The following SEC61A2 variants were observed in gnomAD, a reference collection of about 807,000 sequenced individuals.
SEC61A2 encodes the protein protein transport protein Sec61 subunit alpha isoform 2.
In SEC61A2, 28 loss-of-function variants were observed where a neutral mutation model predicts 59.9. The observed-to-expected ratio is 0.47, with a 90% CI of 0.35 to 0.64. The LOEUF is 0.64. SEC61A2 is among the 30% of genes least tolerant of loss of function. SEC61A2 has a pLI of 0.01. For missense variants in SEC61A2, 340 were observed against 585.9 expected (o/e 0.58, Z 4.33); for synonymous variants, 202 against 214.4 (o/e 0.94, Z 0.50).
At chr10:12,133,142 T>C (rs1833801257) in intron 1 of SEC61A2, 99 bp from the exon 2 acceptor site, 2 of 618,158 alleles carry the variant, frequency 3.2e-6, no homozygotes, top group African/African-American at 3.7e-5. Flanking sequence ...GTGGGGTGAA[T>C]TGCTGGTGAA....
Position 12,161,190 on chromosome 10 carries a change from C to T in SEC61A2, c.1167+69C>T. 1 of 1,345,074 alleles carries T rather than the reference C, an allele frequency of 7.4e-7. No homozygotes were observed. The highest frequency in any genetic ancestry group is 1.0e-6 in the Non-Finnish European group (1 of 977,582). The allele number at this position is 1,345,074 out of a possible 1,614,324, so 83.3% of individuals were successfully genotyped here. Reference sequence around the variant, plus strand: ...TGGTGGCGCACATCTGTAATCGTAGCACTTTGGCAGGCTGAGGCCGCTGGA... The same window carrying T: ...TGGTGGCGCACATCTGTAATCGTAGTACTTTGGCAGGCTGAGGCCGCTGGA... On this transcript the variant is annotated intron_variant, in intron 10 of 11. Transcript: ENST00000298428. The surrounding 1 kb of genome is among the most constrained non-coding windows in gnomAD (Gnocchi z 5.4).
At position 12,143,671 on chromosome 10, in the gene SEC61A2, T is replaced by G. The variant is rs1241861011; in HGVS notation, c.220+476T>G. ...TCGCTTGAACCTGGGAGATGGAGGT[T>G]GCAGTGAACTAAGATCGCACCACTG... is the stretch of plus-strand genomic sequence containing the variant. On this transcript the variant is annotated intron_variant, in intron 4 of 11. Transcript: ENST00000298428. The surrounding 1 kb of genome is among the most constrained non-coding windows in gnomAD (Gnocchi z 4.8). Among the ~76,000 whole-genome samples, 1 of 152,066 alleles carries G rather than the reference T, an allele frequency of 6.6e-6. No homozygotes were observed. The highest frequency in any genetic ancestry group is 6.6e-5 in the Admixed American group (1 of 15,262).
intron 9 of SEC61A2, among the ~76,000 whole-genome samples, chr10:12,159,782 T>G (rs574342047): frequency 1.1e-4 from 17 of 152,242 alleles, no homozygotes; most frequent in Admixed American, 1.1e-3. Context: ...ATAGTATTTT[T>G]CTGTACAGTT....
chr10:12,134,475 C>T (rs1050894605), intron 2 of SEC61A2, among the ~76,000 whole-genome samples: 1 of 152,214 alleles, frequency 6.6e-6, no homozygotes, highest in African/African-American at 2.4e-5. Flanking sequence ...CATTGGATCC[C>T]TGTTTTGCTT....
chr10:12,138,826 C>T (rs893299885), intron 3 of SEC61A2, among the ~76,000 whole-genome samples: 7 of 152,228 alleles, frequency 4.6e-5, no homozygotes, highest in Non-Finnish European at 8.8e-5. Context: ...TATGAACATT[C>T]ATGTATAAGT....
Position 12,162,931 on chromosome 10 carries a change from TCA to T in SEC61A2, c.1244+645_1244+646del, listed in dbSNP as rs1834564228. The stretch of plus-strand genomic sequence containing the variant: ...GCTTCTTTCACTTGGCATCATGTTT[TCA>T]CAGTTCATATCCTTAATTCTTTTCA... On this transcript the variant is annotated intron_variant, in intron 11 of 11. Coordinates refer to ENST00000298428, the MANE Select transcript of SEC61A2 (RefSeq NM_018144.4). This position sits in a 1 kb window ranked among gnomAD's most constrained non-coding sequence, Gnocchi z 6.1. Among the ~76,000 whole-genome samples the T allele has an allele frequency of 6.6e-6, 1 of 152,250 alleles. No individual in the cohort carries two copies. The highest frequency in any genetic ancestry group is 1.5e-5 in the Non-Finnish European group (1 of 68,042).
At position 12,135,149 on chromosome 10, in the gene SEC61A2, G is replaced by C. The variant is rs377025288; in HGVS notation, c.76-956G>C. 1.1e-4 allele frequency among the ~76,000 whole-genome samples: 16 copies of C among 151,626 alleles called. No individual in the cohort carries two copies. The South Asian group carries it at 1.9e-3, about 18-fold the overall frequency. ...GGGGGAACATCACACAGGGGCCTGT[G>C]GGGGTAGGGGGAAAGGGGAGGGAGA... On this transcript the variant is annotated intron_variant, in intron 2 of 11. Coordinates refer to ENST00000298428, the MANE Select transcript of SEC61A2 (RefSeq NM_018144.4).
At position 12,155,665 on chromosome 10, in the gene SEC61A2, G is replaced by T; in HGVS notation, c.463-113G>T. The T allele has an allele frequency of 1.6e-6, 2 of 1,231,122 alleles. No homozygotes were observed. The highest frequency in any genetic ancestry group is 1.4e-5 in the South Asian group (1 of 73,718). The allele number at this position is 1,231,122 out of a possible 1,614,324, so 76.3% of individuals were successfully genotyped here. On this transcript the variant is annotated intron_variant, in intron 6 of 11. Coordinates refer to ENST00000298428, the MANE Select transcript of SEC61A2 (RefSeq NM_018144.4). The surrounding 1 kb of genome is among the most constrained non-coding windows in gnomAD (Gnocchi z 4.3). Reference sequence around the variant, plus strand: ...TTGGTCATCACAGTGAGATTGCAACGATCAGGCCTTAATATTCAAAACGCC... The same window carrying T: ...TTGGTCATCACAGTGAGATTGCAACTATCAGGCCTTAATATTCAAAACGCC...
At position 12,162,765 on chromosome 10, in the gene SEC61A2, CAGAA is replaced by C. The variant is rs891593365; in HGVS notation, c.1244+482_1244+485del. 4.6e-5 allele frequency among the ~76,000 whole-genome samples: 7 copies of C among 152,278 alleles called. No homozygotes were observed. The highest frequency in any genetic ancestry group is 1.7e-4 in the African/African-American group (7 of 41,554). ...TAAGTTTAAACACATTTTCACCACC[CAGAA>C]AGAAACCCTGTACCTACTAGCCCAC... On this transcript the variant is annotated intron_variant, in intron 11 of 11. Coordinates refer to ENST00000298428, the MANE Select transcript of SEC61A2 (RefSeq NM_018144.4). The surrounding 1 kb of genome is among the most constrained non-coding windows in gnomAD (Gnocchi z 6.1).
chr10:12,163,397 T>G (rs1347750907), intron 11 of SEC61A2, among the ~76,000 whole-genome samples: 1 of 145,936 alleles, frequency 6.9e-6, no homozygotes, highest in African/African-American at 2.5e-5. Flanking sequence ...CCGTCTTGGC[T>G]CACTGCAACC....
chr10:12,168,641 C>T (rs534837819), downstream of SEC61A2, among the ~76,000 whole-genome samples: 7 of 152,254 alleles, frequency 4.6e-5, no homozygotes, highest in African/African-American at 1.7e-4. The surrounding 1 kb of genome is among the most constrained non-coding windows in gnomAD (Gnocchi z 4.8). Flanking sequence ...TTTTCCTAGC[C>T]GCTTGTTTGG....
intron 2 of SEC61A2, among the ~76,000 whole-genome samples, chr10:12,134,497 C>G (rs1421083270): frequency 6.6e-6 from 1 of 152,154 alleles, no homozygotes. Context: ...GGCTCCTTTT[C>G]AGTTTCATTT....
rs779099863 is a variant in SEC61A2 at position 12,129,765 on chromosome 10, C to T, written c.-23C>T. ...GGCAGCGCCGAGGCCGCGGTTTCCCCCTGGGCCTCCCCAGCAGCAGCCATG... is the reference window on the plus strand; with the variant it reads ...GGCAGCGCCGAGGCCGCGGTTTCCCTCTGGGCCTCCCCAGCAGCAGCCATG... On this transcript the variant is annotated 5_prime_UTR_variant, in exon 1 of 12. Transcript: ENST00000298428. This position sits in a 1 kb window ranked among gnomAD's most constrained non-coding sequence, Gnocchi z 5.6. The T allele has an allele frequency of 4.0e-6, 6 of 1,488,026 alleles. No individual in the cohort carries two copies. The highest frequency in any genetic ancestry group is 1.4e-5 in the African/African-American group (1 of 69,282). The allele number at this position is 1,488,026 out of a possible 1,614,324, so 92.2% of individuals were successfully genotyped here.
At chr10:12,163,754 A>G (rs1045063695) in intron 11 of SEC61A2, among the ~76,000 whole-genome samples, 3 of 152,142 alleles carry the variant, frequency 2.0e-5, no homozygotes, top group Non-Finnish European at 4.4e-5. Context: ...ATGGATCTCC[A>G]GCTCCAGTTG....
rs142862130 is a variant in SEC61A2 at position 12,152,106 on chromosome 10, C to T, written c.462+2145C>T. Among the ~76,000 whole-genome samples the T allele has an allele frequency of 1.4e-4, 21 of 146,506 alleles. No homozygotes were observed. Among genetic ancestry groups the T allele is most frequent in the Admixed American group, 8.8e-4 (13 of 14,734 alleles). Reference sequence around the variant, plus strand: ...AGGGCAGGAATTTTTTTTTTCGAGACGGAGTCCTGCTCTGTCTCCCAGACT... The same window carrying T: ...AGGGCAGGAATTTTTTTTTTCGAGATGGAGTCCTGCTCTGTCTCCCAGACT... On this transcript the variant is annotated intron_variant, in intron 6 of 11. Coordinates refer to ENST00000298428, the MANE Select transcript of SEC61A2 (RefSeq NM_018144.4). This position sits in a 1 kb window ranked among gnomAD's most constrained non-coding sequence, Gnocchi z 5.5.
rs2131681261 is a variant in SEC61A2, at chr10:12,160,995, T to G, written c.1041T>G (p.Pro347=). The change falls in exon 10 of 12, where the codon CCT becomes CCG. Residue 347 remains proline, a synonymous_variant. Transcript: ENST00000298428. The surrounding 1 kb of genome is among the most constrained non-coding windows in gnomAD (Gnocchi z 4.1). ...GAGGCCTTTGTTACTATCTTTCTCC[T>G]CCTGAGTCCATGGGCGCCATCTTTG... The part of the protein sequence containing the change: ...PVGGLCYYLS[P]PESMGAIFED... The G allele has an allele frequency of 6.2e-7, 1 of 1,614,192 alleles. No individual in the cohort carries two copies. The highest frequency in any genetic ancestry group is 2.2e-5 in the East Asian group (1 of 44,890).
Position 12,149,170 on chromosome 10 carries a change from A to G in SEC61A2, c.221-425A>G, listed in dbSNP as rs1290222467. The stretch of plus-strand genomic sequence containing the variant: ...AGTGGCGCAATCTCGGCTTACTGCA[A>G]CCTCTGCCTTCCAGGTTTAAGCGAT... On this transcript the variant is annotated intron_variant, in intron 4 of 11. Coordinates refer to ENST00000298428, the MANE Select transcript of SEC61A2 (RefSeq NM_018144.4). The surrounding 1 kb of genome is among the most constrained non-coding windows in gnomAD (Gnocchi z 5.2). Among the ~76,000 whole-genome samples, 1 of 151,762 alleles carries G rather than the reference A, an allele frequency of 6.6e-6. No homozygotes were observed.
rs1475656956 is a variant in SEC61A2, at chr10:12,156,871, A to G, written c.617-36A>G. The G allele has an allele frequency of 6.9e-6, 11 of 1,603,624 alleles. No homozygotes were observed. Among genetic ancestry groups the G allele is most frequent in the Admixed American group, 1.8e-5 (1 of 56,418 alleles). ...TTGAGCTTTGGGACAGCTTTGGACG[A>G]TGAGTCCACAGGTCGTGTCTGTCTT... is the stretch of plus-strand genomic sequence containing the variant. On this transcript the variant is annotated intron_variant, in intron 7 of 11. Transcript: ENST00000298428. This position sits in a 1 kb window ranked among gnomAD's most constrained non-coding sequence, Gnocchi z 5.2.
At position 12,146,781 on chromosome 10, in the gene SEC61A2, G is replaced by C. The variant is rs1834149537; in HGVS notation, c.221-2814G>C. On this transcript the variant is annotated intron_variant, in intron 4 of 11. Coordinates refer to ENST00000298428, the MANE Select transcript of SEC61A2 (RefSeq NM_018144.4). ...GATCCGCCCGCCTCAGCCTCCCAAA[G>C]TGCTGGGATTACAGGTGTGAGCCAC... 2.0e-5 allele frequency among the ~76,000 whole-genome samples: 3 copies of C among 152,164 alleles called. No homozygotes were observed. The South Asian group carries it at 6.2e-4, about 32-fold the overall frequency.
Sources: allele counts gnomAD v4.1 joint callset (sites outside exome capture counted in the v4.1 genomes callset), GRCh38; gene constraint gnomAD v4.1.1; non-coding constraint Gnocchi (gnomAD v3.1); transcripts MANE v1.5; gene names NCBI Gene and HGNC (gene_info 2026-07-23, HGNC 2026-07-21).